The following XKR4 variants were observed in gnomAD, a reference collection of about 807,000 sequenced individuals.
XKR4 encodes the protein XK related 4, also known as XK-related protein 4.
A neutral mutation model predicts 53.9 loss-of-function variants in XKR4; 12 were observed. The observed-to-expected ratio is 0.22, with a 90% CI of 0.14 to 0.36. The LOEUF (loss-of-function observed/expected upper bound fraction) is 0.36, where lower values mean the gene tolerates loss of function less well. Among genes scored for constraint, XKR4 ranks in the 10% least tolerant of loss-of-function variants. XKR4 has a pLI of 1.00. For synonymous variants in XKR4, 354 were observed against 362.4 expected (o/e 0.98, Z 0.26); for missense variants, 799 against 859.5 (o/e 0.93, Z 0.88).
At chr8:55,226,097 G>GA (rs1008137527) in intron 1 of XKR4, among the ~76,000 whole-genome samples, 10 of 152,138 alleles carry the variant, frequency 6.6e-5, no homozygotes, top group Middle Eastern at 3.4e-3. Context: ...CATTTAAAAA[G>GA]AAAAAATCCT....
chr8:55,133,169 A>G (rs6987854), intron 1 of XKR4, among the ~76,000 whole-genome samples: 3,359 of 152,320 alleles, frequency 0.022, 108 homozygotes, highest in African/African-American at 0.075. Flanking sequence ...CGAACAATTA[A>G]TGGAAAACAG....
At chr8:55,239,104 G>A (rs747077347) in intron 1 of XKR4, among the ~76,000 whole-genome samples, 1 of 151,826 alleles carries the variant, frequency 6.6e-6, no homozygotes, top group African/African-American at 2.4e-5. Flanking sequence ...TAATAATTTG[G>A]GCTCTGTTTT....
chr8:55,454,528 C>T (rs762297034), intron 2 of XKR4: 148 of 1,374,232 alleles, frequency 1.1e-4, no homozygotes, highest in Non-Finnish European at 1.4e-4. Flanking sequence ...GGCGGAAGAG[C>T]AGGCCACGCT....
chr8:55,417,497 C>T (rs1804867697), intron 2 of XKR4, among the ~76,000 whole-genome samples: 1 of 152,114 alleles, frequency 6.6e-6, no homozygotes, highest in African/African-American at 2.4e-5. Context: ...AATGCAGATC[C>T]ACATATAGAT....
At chr8:55,128,584 C>T (rs1816509542) in intron 1 of XKR4, among the ~76,000 whole-genome samples, 1 of 152,196 alleles carries the variant, frequency 6.6e-6, no homozygotes, top group African/African-American at 2.4e-5. Flanking sequence ...AAAAGCACCA[C>T]ACTTCATGTG....
Position 55,155,840 on chromosome 8 carries a change from A to G in XKR4, c.806+52546A>G, listed in dbSNP as rs1585909039. 2.0e-5 allele frequency among the ~76,000 whole-genome samples: 3 copies of G among 152,352 alleles called. No homozygotes were observed. The East Asian group carries it at 5.8e-4, about 29-fold the overall frequency. ...CCTGGCATCAACAGCAGATAACAGG[A>G]AACAGCAGAGATATACTCTAAAATT... On this transcript the variant is annotated intron_variant, in intron 1 of 2. Transcript: ENST00000327381.
intron 1 of XKR4, among the ~76,000 whole-genome samples, chr8:55,159,218 T>G (rs962681568): frequency 1.3e-5 from 2 of 152,204 alleles, no homozygotes; most frequent in Non-Finnish European, 2.9e-5. Context: ...GTTAGCTATA[T>G]TTATAGGTAT....
intron 1 of XKR4, among the ~76,000 whole-genome samples, chr8:55,166,047 G>A (rs1313213277): frequency 6.6e-6 from 1 of 152,168 alleles, no homozygotes; most frequent in East Asian, 1.9e-4. Context: ...CAAGCTTAAT[G>A]GGAGCAGGAA....
intron 1 of XKR4, among the ~76,000 whole-genome samples, chr8:55,315,072 G>T (rs1819451643): frequency 6.6e-6 from 1 of 152,206 alleles, no homozygotes; most frequent in African/African-American, 2.4e-5. Context: ...CATTTCCTGA[G>T]TGTTCAAGTG....
intron 2 of XKR4, chr8:55,452,264 A>T: frequency 1.5e-6 from 1 of 648,332 alleles, no homozygotes; most frequent in Non-Finnish European, 2.8e-6. Context: ...GCAATAGCTG[A>T]TCCAAAGGGG....
intron 2 of XKR4, among the ~76,000 whole-genome samples, chr8:55,505,321 C>A (rs1013263221): frequency 1.3e-5 from 2 of 151,716 alleles, no homozygotes; most frequent in African/African-American, 4.8e-5. Flanking sequence ...CTTCTTTGAC[C>A]CACTGGTTAA....
intron 1 of XKR4, among the ~76,000 whole-genome samples, chr8:55,269,257 C>A (rs779923952): frequency 5.7e-4 from 87 of 151,878 alleles, no homozygotes; most frequent in Middle Eastern, 3.4e-3. Context: ...TTTGTGGTCT[C>A]TCTTTCTCAC....
chr8:55,327,959 C>T (rs1803318925), intron 1 of XKR4, among the ~76,000 whole-genome samples: 2 of 152,026 alleles, frequency 1.3e-5, no homozygotes, highest in South Asian at 4.2e-4. Flanking sequence ...ATGATGTCAA[C>T]CAAATCTTAG....
At chr8:55,193,165 C>T (rs1459033695) in intron 1 of XKR4, among the ~76,000 whole-genome samples, 5 of 152,244 alleles carry the variant, frequency 3.3e-5, no homozygotes, top group East Asian at 1.9e-4. Flanking sequence ...CATTACCCGT[C>T]GAACTGTGTG....
rs1424025666 is a variant in XKR4 at position 55,533,377 on chromosome 8, A to G, written c.*9150A>G. ...AGTGAAAGAATTGTCATTTTATATCATTCTTTCAAAAAATTAAAATATTCA... is the reference window on the plus strand; with the variant it reads ...AGTGAAAGAATTGTCATTTTATATCGTTCTTTCAAAAAATTAAAATATTCA... On this transcript the variant is annotated 3_prime_UTR_variant, in exon 3 of 3. Coordinates refer to ENST00000327381, the MANE Select transcript of XKR4 (RefSeq NM_052898.2). 1 of 152,238 alleles carries G rather than the reference A, an allele frequency of 6.6e-6. No homozygotes were observed. The highest frequency in any genetic ancestry group is 6.5e-5 in the Admixed American group (1 of 15,292). 9.4% of individuals were successfully genotyped at this position (152,238 alleles called of 1,614,324 possible).
intron 1 of XKR4, among the ~76,000 whole-genome samples, chr8:55,336,301 C>T (rs1803461633): frequency 6.6e-6 from 1 of 152,076 alleles, no homozygotes; most frequent in Non-Finnish European, 1.5e-5. Context: ...TTTTGTCTTG[C>T]CGTCACCATG....
At chr8:55,343,929 T>C (rs7845814) in intron 1 of XKR4, among the ~76,000 whole-genome samples, 12,364 of 152,282 alleles carry the variant, frequency 0.081, 1,335 homozygotes, top group African/African-American at 0.25. Context: ...TGATTGCATT[T>C]GGACCTAAAC....
Position 55,112,623 on chromosome 8 carries a change from G to A in XKR4, c.806+9329G>A, listed in dbSNP as rs527900182. On this transcript the variant is annotated intron_variant, in intron 1 of 2. Coordinates refer to ENST00000327381, the MANE Select transcript of XKR4 (RefSeq NM_052898.2). ...AGAGTCAATAATCAAAGCAAAGGTAGCAATCGTAGCAATAACATCAACTAA... is the reference window on the plus strand; with the variant it reads ...AGAGTCAATAATCAAAGCAAAGGTAACAATCGTAGCAATAACATCAACTAA... Among the ~76,000 whole-genome samples the A allele has an allele frequency of 5.6e-5, 7 of 124,756 alleles. No individual in the cohort carries two copies. In the South Asian group the frequency reaches 2.0e-3, roughly 35 times the overall value. The allele number at this position is 124,756 out of a possible 152,430, so 81.8% of individuals were successfully genotyped here. A position where few individuals can be genotyped will look rare whatever the true frequency, so the allele number is the denominator to read the frequency against.
chr8:55,203,028 G>C (rs1212430217), intron 1 of XKR4, among the ~76,000 whole-genome samples: 1 of 152,196 alleles, frequency 6.6e-6, no homozygotes, highest in Non-Finnish European at 1.5e-5. Flanking sequence ...CTGAGTGCTT[G>C]TTCCCTGTGT....
Sources: allele counts gnomAD v4.1 joint callset (sites outside exome capture counted in the v4.1 genomes callset), GRCh38; gene constraint gnomAD v4.1.1; transcripts MANE v1.5; gene names NCBI Gene and HGNC (gene_info 2026-07-23, HGNC 2026-07-21).